The following GREB1L variants were observed in gnomAD, a reference collection of about 807,000 sequenced individuals.
The protein encoded by GREB1L is GREB1 like retinoic acid receptor coactivator, also known as GREB1-like protein.
In GREB1L, 17 loss-of-function variants were observed where a neutral mutation model predicts 200.8. The observed-to-expected ratio is 0.08, with a 90% confidence interval of 0.06 to 0.13. The LOEUF (loss-of-function observed/expected upper bound fraction) is 0.13, where lower values mean the gene tolerates loss of function less well. GREB1L is among the 10% of genes least tolerant of loss of function. The pLI, the probability that GREB1L is intolerant of heterozygous loss-of-function variation, is 1.00. For missense variants in GREB1L, 1,657 were observed against 2,367.7 expected, an observed-to-expected ratio of 0.70 and a Z score of 6.23; for synonymous variants, 789 against 893.0, an observed-to-expected ratio of 0.88 and a Z score of 2.08.
chr18:21,492,998 G>C (rs960681110), intron 19 of GREB1L, among the ~76,000 whole-genome samples: 3 of 152,066 alleles, frequency 2.0e-5, no homozygotes, highest in African/African-American at 7.2e-5. Context: ...AAAATCACTG[G>C]ATCACATCAG....
chr18:21,388,146 C>G (rs939235453), intron 4 of GREB1L, among the ~76,000 whole-genome samples: 1 of 152,134 alleles, frequency 6.6e-6, no homozygotes, highest in African/African-American at 2.4e-5. Context: ...GGACCCTGTT[C>G]CTAGACACAG....
At chr18:21,243,016 C>T (rs969191684) in intron 1 of GREB1L, among the ~76,000 whole-genome samples, 2 of 152,172 alleles carry the variant, frequency 1.3e-5, no homozygotes, top group East Asian at 1.9e-4. Context: ...TCGTCACGAG[C>T]GGGCGCGCGT....
chr18:21,264,709 C>G (rs1293416336), intron 1 of GREB1L, among the ~76,000 whole-genome samples: 2 of 151,156 alleles, frequency 1.3e-5, no homozygotes, highest in African/African-American at 2.4e-5. Flanking sequence ...CCCACGCCCC[C>G]CAACCTCTGA....
chr18:21,261,205 G>T (rs2037885053), intron 1 of GREB1L, among the ~76,000 whole-genome samples: 2 of 151,856 alleles, frequency 1.3e-5, no homozygotes, highest in South Asian at 4.1e-4. Flanking sequence ...ACAGTTGCTG[G>T]CTTGAATATA....
chr18:21,256,748 G>C (rs1475997682), intron 1 of GREB1L, among the ~76,000 whole-genome samples: 1 of 152,126 alleles, frequency 6.6e-6, no homozygotes, highest in African/African-American at 2.4e-5. Flanking sequence ...AGTCACGCCT[G>C]TAATCCCAGC....
At chr18:21,250,315 G>A (rs946207530) in intron 1 of GREB1L, among the ~76,000 whole-genome samples, 4 of 152,116 alleles carry the variant, frequency 2.6e-5, no homozygotes, top group African/African-American at 7.2e-5. Flanking sequence ...GTTCTTTAGC[G>A]TGATCTGTCA....
intron 7 of GREB1L, among the ~76,000 whole-genome samples, chr18:21,404,535 T>C (rs1298170513): frequency 1.3e-5 from 2 of 152,130 alleles, no homozygotes; most frequent in African/African-American, 4.8e-5. Flanking sequence ...TAGGTCACAA[T>C]ATCAGAGCAG....
rs1216920231 is a variant in GREB1L, at chr18:21,522,933, A to G, written c.*112A>G. ...CAATCACTGTGGAGCAAAGTGCAAC[A>G]TATTTGTCTAAATTCTCCAAAGAAC... On this transcript the variant is annotated 3_prime_UTR_variant, in exon 33 of 33. Coordinates refer to ENST00000424526, the MANE Select transcript of GREB1L (RefSeq NM_001142966.3). 2.1e-6 allele frequency: 2 copies of G among 974,958 alleles called. No individual in the cohort carries two copies. Among genetic ancestry groups the G allele is most frequent in the Non-Finnish European group, 2.9e-6 (2 of 684,042 alleles). 60.4% of individuals were successfully genotyped at this position (974,958 alleles called of 1,614,324 possible).
chr18:21,516,859 G>T, intron 30 of GREB1L, 105 bp downstream of exon 30: 56 of 834,156 alleles, frequency 6.7e-5, no homozygotes, highest in East Asian at 9.2e-5. Context: ...TATTAGAAAA[G>T]TGAAATAACA....
chr18:21,355,193 AT>A (rs113751730), intron 1 of GREB1L, among the ~76,000 whole-genome samples: 20,811 of 139,282 alleles, frequency 0.15, 2,995 homozygotes, highest in African/African-American at 0.39. Context: ...CTTTTGTTAA[AT>A]TTTTTTTTTT....
intron 1 of GREB1L, among the ~76,000 whole-genome samples, chr18:21,252,310 C>T (rs1336438809): frequency 6.6e-6 from 1 of 152,152 alleles, no homozygotes; most frequent in Non-Finnish European, 1.5e-5. Flanking sequence ...GTAATCCCAG[C>T]ACTTTGGGAG....
chr18:21,453,223 G>T (rs2034607937), intron 14 of GREB1L, among the ~76,000 whole-genome samples: 1 of 152,162 alleles, frequency 6.6e-6, no homozygotes, highest in Non-Finnish European at 1.5e-5. Context: ...GATATATTTT[G>T]ATTAGTAGTC....
At chr18:21,329,502 A>T (rs1019674354) in intron 1 of GREB1L, among the ~76,000 whole-genome samples, 5 of 151,866 alleles carry the variant, frequency 3.3e-5, no homozygotes, top group African/African-American at 9.7e-5. Context: ...GGGCAAAAAG[A>T]TACTCCTTTT....
chr18:21,517,947 G>T, intron 30 of GREB1L, 87 bp from the exon 31 acceptor site: 2 of 1,011,958 alleles, frequency 2.0e-6, no homozygotes, highest in Non-Finnish European at 3.0e-6. Context: ...ATTATTTGGC[G>T]ACTGTTAGGA....
At chr18:21,484,608 G>C (rs1228717896) in intron 17 of GREB1L, among the ~76,000 whole-genome samples, 1 of 152,166 alleles carries the variant, frequency 6.6e-6, no homozygotes, top group African/African-American at 2.4e-5. Context: ...CCTGAGTCCA[G>C]GAATTTGAGA....
rs529398631 is a variant in GREB1L at position 21,274,960 on chromosome 18, A to G, written c.-120+32567A>G. ...GTAATAACAATGAAAAAAATAAAAT[A>G]GTCTGGGCTTGGTGGCTCATGCCTG... On this transcript the variant is annotated intron_variant, in intron 1 of 32. Transcript: ENST00000424526. 2.0e-5 allele frequency among the ~76,000 whole-genome samples: 3 copies of G among 152,178 alleles called. No individual in the cohort carries two copies. In the East Asian group the frequency reaches 5.8e-4, roughly 29 times the overall value.
At chr18:21,384,529 G>C (rs1211772563) in intron 4 of GREB1L, 126 bp downstream of exon 4, 24 of 727,670 alleles carry the variant, frequency 3.3e-5, no homozygotes, top group Non-Finnish European at 4.7e-5. Context: ...AATGAGAAAT[G>C]ATTATGCTCT....
intron 4 of GREB1L, among the ~76,000 whole-genome samples, chr18:21,393,443 T>C (rs572772054): frequency 6.2e-4 from 94 of 151,964 alleles, no homozygotes; most frequent in African/African-American, 2.2e-3. Context: ...ATTACATGCA[T>C]GTGCCACCAT....
chr18:21,433,932 C>G (rs1396926677), intron 7 of GREB1L, among the ~76,000 whole-genome samples: 3 of 152,140 alleles, frequency 2.0e-5, no homozygotes, highest in African/African-American at 4.8e-5. Context: ...GAATCTTTCT[C>G]TCTTCCACAG....
Sources: allele counts gnomAD v4.1 joint callset (sites outside exome capture counted in the v4.1 genomes callset), GRCh38; gene constraint gnomAD v4.1.1; transcripts MANE v1.5; gene names NCBI Gene and HGNC (gene_info 2026-07-23, HGNC 2026-07-21).